The following CWF19L2 variants were observed in gnomAD, a reference collection of about 807,000 sequenced individuals.
The protein encoded by CWF19L2 is CWF19-like protein 2.
A neutral mutation model predicts 111.7 loss-of-function variants in CWF19L2; 98 were observed. The ratio of observed to expected loss-of-function variants is 0.88; its 90% CI spans 0.75 to 1.04. CWF19L2 has a LOEUF of 1.04. Ranked by LOEUF, CWF19L2 falls within the 50% of genes least tolerant of loss-of-function variation. The pLI is 0.00. For synonymous variants in CWF19L2, 351 were observed against 342.9 expected (o/e 1.02, Z -0.26); for missense variants, 1,101 against 1,051.4 (o/e 1.05, Z -0.65).
chr11:107,328,150 A>G (rs1466217170), intron 17 of CWF19L2, among the ~76,000 whole-genome samples: 1 of 152,034 alleles, frequency 6.6e-6, no homozygotes, highest in East Asian at 1.9e-4. Flanking sequence ...AAAAAAAAAA[A>G]AAAAAAACAA....
chr11:107,442,095 T>C (rs773668091), intron 4 of CWF19L2, among the ~76,000 whole-genome samples: 5 of 152,168 alleles, frequency 3.3e-5, no homozygotes, highest in African/African-American at 9.7e-5. Flanking sequence ...CCACTCACTA[T>C]AGAAGGGTCA....
intron 14 of CWF19L2, among the ~76,000 whole-genome samples, chr11:107,348,091 T>C (rs1441777043): frequency 6.6e-6 from 1 of 152,134 alleles, no homozygotes; most frequent in Admixed American, 6.6e-5. Context: ...TAAAACAATC[T>C]ACCCTTTAAA....
chr11:107,372,476 C>T (rs1860525349), intron 12 of CWF19L2, among the ~76,000 whole-genome samples: 1 of 135,838 alleles, frequency 7.4e-6, no homozygotes, highest in South Asian at 2.5e-4. Flanking sequence ...GGAAGCAAAA[C>T]AAAAGAGTGT....
At chr11:107,383,771 A>G (rs1429714843) in intron 12 of CWF19L2, among the ~76,000 whole-genome samples, 2 of 152,226 alleles carry the variant, frequency 1.3e-5, no homozygotes, top group Non-Finnish European at 2.9e-5. Context: ...AGGTACTAAT[A>G]AAAAGTAAAA....
chr11:107,447,525 T>A (rs1236411048), intron 3 of CWF19L2, among the ~76,000 whole-genome samples: 1 of 152,118 alleles, frequency 6.6e-6, no homozygotes, highest in East Asian at 1.9e-4. Flanking sequence ...TCGCTGAACA[T>A]CCATGACAAT....
intron 8 of CWF19L2, among the ~76,000 whole-genome samples, chr11:107,423,048 C>CA (rs1861323705): frequency 6.6e-6 from 1 of 151,968 alleles, no homozygotes; most frequent in Admixed American, 6.6e-5. Context: ...AGGGACACTG[C>CA]ATTCATGTAA....
intron 12 of CWF19L2, among the ~76,000 whole-genome samples, chr11:107,361,723 T>C (rs1479262375): frequency 1.3e-5 from 2 of 152,232 alleles, no homozygotes. Flanking sequence ...AGGTATTATT[T>C]TTTATAGCTA....
chr11:107,374,808 T>TA (rs1275991812), intron 12 of CWF19L2, among the ~76,000 whole-genome samples: 1 of 151,414 alleles, frequency 6.6e-6, no homozygotes, highest in Non-Finnish European at 1.5e-5. Flanking sequence ...ATGCTCCAAT[T>TA]AAAAGACACA....
chr11:107,428,430 T>A (rs957591262), intron 8 of CWF19L2, among the ~76,000 whole-genome samples: 3 of 152,096 alleles, frequency 2.0e-5, no homozygotes, highest in African/African-American at 7.2e-5. Flanking sequence ...TATTTATGAT[T>A]ATGATTATAC....
At chr11:107,345,758 T>C (rs1169548688) in intron 14 of CWF19L2, among the ~76,000 whole-genome samples, 1 of 152,164 alleles carries the variant, frequency 6.6e-6, no homozygotes, top group Non-Finnish European at 1.5e-5. Flanking sequence ...CATGATGTTC[T>C]CCATACTCAA....
At chr11:107,390,022 A>G in intron 12 of CWF19L2, 52 bp downstream of exon 12, 1 of 1,508,380 alleles carries the variant, frequency 6.6e-7, no homozygotes, top group Non-Finnish European at 9.2e-7. Context: ...TCACTGTTAC[A>G]CTGAATAATC....
At chr11:107,399,717 T>G (rs1354865705) in intron 10 of CWF19L2, among the ~76,000 whole-genome samples, 1 of 152,142 alleles carries the variant, frequency 6.6e-6, no homozygotes. Flanking sequence ...AACAAATGGA[T>G]TTAACAGATA....
At chr11:107,354,649 A>G (rs1218815400) in intron 12 of CWF19L2, among the ~76,000 whole-genome samples, 2 of 152,144 alleles carry the variant, frequency 1.3e-5, no homozygotes, top group Non-Finnish European at 2.9e-5. Flanking sequence ...TAATATTTTT[A>G]ATAATTTTGT....
chr11:107,387,124 G>A (rs2134590582), intron 12 of CWF19L2, among the ~76,000 whole-genome samples: 1 of 151,494 alleles, frequency 6.6e-6, no homozygotes, highest in East Asian at 1.9e-4. Flanking sequence ...TCCAGGGGCA[G>A]TCACCCTACA....
chr11:107,453,047 G>A (rs1861800635), intron 3 of CWF19L2, among the ~76,000 whole-genome samples: 2 of 151,872 alleles, frequency 1.3e-5, no homozygotes, highest in African/African-American at 2.4e-5. Flanking sequence ...CTTGAGGTGC[G>A]CAAAAATTAG....
chr11:107,394,134 A>T (rs879084671), intron 10 of CWF19L2, among the ~76,000 whole-genome samples: 1 of 152,210 alleles, frequency 6.6e-6, no homozygotes, highest in Admixed American at 6.5e-5. Flanking sequence ...ATTGGAATCA[A>T]CTATAGAAAA....
At chr11:107,414,598 T>C (rs766342552) in intron 10 of CWF19L2, among the ~76,000 whole-genome samples, 18 of 151,988 alleles carry the variant, frequency 1.2e-4, no homozygotes, top group Non-Finnish European at 2.4e-4. Flanking sequence ...TTATTCCACA[T>C]CTAACAGGCA....
At chr11:107,367,893 T>TG (rs1245069629) in intron 12 of CWF19L2, among the ~76,000 whole-genome samples, 1 of 137,640 alleles carries the variant, frequency 7.3e-6, no homozygotes, top group Non-Finnish European at 1.6e-5. Flanking sequence ...TTTACTGAAT[T>TG]TTTTTAAACA....
chr11:107,446,854 C>T (rs1323928329), intron 3 of CWF19L2, among the ~76,000 whole-genome samples: 1 of 152,184 alleles, frequency 6.6e-6, no homozygotes, highest in Non-Finnish European at 1.5e-5. Context: ...CCCCATGCTA[C>T]GACTTCAGTT....
Sources: gnomAD v4.1 joint callset for allele counts (sites outside exome capture counted in the v4.1 genomes callset) on GRCh38, gnomAD v4.1.1 for gene constraint, MANE v1.5 for transcripts, NCBI Gene and HGNC (gene_info 2026-07-23, HGNC 2026-07-21) for gene names.